TENM2: variants seen among roughly 807,000 people sequenced by gnomAD.
TENM2 encodes the protein teneurin-2.
Under a neutral mutation model 245.2 loss-of-function variants are expected in TENM2, and 52 were observed. That is an observed-to-expected ratio of 0.21 (90% CI 0.17 to 0.27). TENM2 has a LOEUF of 0.27. Ranked by LOEUF, TENM2 falls within the 10% of genes least tolerant of loss-of-function variation. The probability of loss-of-function intolerance (pLI) is 1.00; values close to 1 mark genes in which losing one functional copy is unlikely to be tolerated. For synonymous variants in TENM2, 1,363 were observed against 1,438.9 expected (o/e 0.95, Z 1.19); for missense variants, 3,046 against 3,666.8 (o/e 0.83, Z 4.37).
At chr5:167,559,514 A>AATGGTAATGC (rs1329216453) in intron 2 of TENM2, among the ~76,000 whole-genome samples, 1 of 152,186 alleles carries the variant, frequency 6.6e-6, no homozygotes, top group African/African-American at 2.4e-5. Flanking sequence ...CAGCTAAACA[A>AATGGTAATGC]ATGGTAATGC....
At chr5:167,508,801 T>C (rs1031776111) in intron 2 of TENM2, among the ~76,000 whole-genome samples, 7 of 152,142 alleles carry the variant, frequency 4.6e-5, no homozygotes, top group African/African-American at 1.7e-4. Context: ...GCTCAATTTT[T>C]CCCTAATATC....
intron 2 of TENM2, among the ~76,000 whole-genome samples, chr5:167,507,737 G>T (rs776046277): frequency 1.3e-5 from 2 of 152,158 alleles, no homozygotes; most frequent in African/African-American, 2.4e-5. Context: ...TTACCAGGTT[G>T]CTGTGTATGG....
intron 2 of TENM2, among the ~76,000 whole-genome samples, chr5:167,736,532 C>T (rs771611441): frequency 2.0e-5 from 3 of 152,030 alleles, no homozygotes; most frequent in Non-Finnish European, 1.5e-5. Flanking sequence ...CTATATTGCT[C>T]ACTTCTTTGG....
chr5:167,001,005 CA>C, the TENM2 span, among the ~76,000 whole-genome samples: 1 of 151,718 alleles, frequency 6.6e-6, no homozygotes, highest in Non-Finnish European at 1.5e-5. Flanking sequence ...GTCATTTAGC[CA>C]ATGCATTGGC....
chr5:167,616,222 G>A (rs948663712), intron 2 of TENM2, among the ~76,000 whole-genome samples: 8 of 152,098 alleles, frequency 5.3e-5, no homozygotes, highest in Non-Finnish European at 2.9e-5. Context: ...AAGTCCTATA[G>A]CCTGTGCTTG....
At chr5:167,005,571 TA>T in the TENM2 span, among the ~76,000 whole-genome samples, 1 of 151,508 alleles carries the variant, frequency 6.6e-6, no homozygotes. Context: ...TGCTAGTTTT[TA>T]AAAAAAGGAA....
At chr5:168,176,121 CA>C (rs1253711553) in intron 13 of TENM2, among the ~76,000 whole-genome samples, 2 of 152,170 alleles carry the variant, frequency 1.3e-5, no homozygotes, top group Non-Finnish European at 1.5e-5. Flanking sequence ...CAGATCATGC[CA>C]ACAACTTCTC....
At chr5:167,678,509 T>C (rs1295344251) in intron 2 of TENM2, among the ~76,000 whole-genome samples, 1 of 152,164 alleles carries the variant, frequency 6.6e-6, no homozygotes, top group Non-Finnish European at 1.5e-5. Context: ...CCGGAGTCTG[T>C]GTTTCTGTCA....
chr5:167,412,643 A>C (rs1762966704), intron 2 of TENM2, among the ~76,000 whole-genome samples: 1 of 152,160 alleles, frequency 6.6e-6, no homozygotes, highest in Non-Finnish European at 1.5e-5. Flanking sequence ...AGGAAAAACT[A>C]TGGCAGGGAA....
intron 23 of TENM2, among the ~76,000 whole-genome samples, chr5:168,220,250 C>A (rs992698138): frequency 3.3e-5 from 5 of 152,116 alleles, no homozygotes; most frequent in African/African-American, 9.7e-5. Context: ...CAGTTTCAAC[C>A]AAAGACCTAA....
At chr5:167,717,584 G>A (rs1759352929) in intron 2 of TENM2, among the ~76,000 whole-genome samples, 1 of 152,088 alleles carries the variant, frequency 6.6e-6, no homozygotes, top group African/African-American at 2.4e-5. Context: ...ATTAATTTCA[G>A]AATAAAAAAA....
At chr5:167,070,916 G>C in the TENM2 span, among the ~76,000 whole-genome samples, 22 of 152,070 alleles carry the variant, frequency 1.4e-4, no homozygotes, top group African/African-American at 5.3e-4. Context: ...GCCTAAAATG[G>C]ACAGTTGTCT....
At chr5:167,579,465 C>T (rs920868972) in intron 2 of TENM2, among the ~76,000 whole-genome samples, 11 of 152,196 alleles carry the variant, frequency 7.2e-5, no homozygotes, top group Non-Finnish European at 1.5e-4. Context: ...TAGGCACCAA[C>T]CACATTTTGA....
At chr5:167,703,333 A>G in intron 2 of TENM2, among the ~76,000 whole-genome samples, 1 of 151,986 alleles carries the variant, frequency 6.6e-6, no homozygotes, top group East Asian at 2.0e-4. Flanking sequence ...GGAGTTCAAG[A>G]CCAGCCTGGC....
the TENM2 span, among the ~76,000 whole-genome samples, chr5:167,028,148 C>G: frequency 6.7e-6 from 1 of 149,524 alleles, no homozygotes; most frequent in Non-Finnish European, 1.5e-5. Flanking sequence ...TGCCTTTTCT[C>G]TTTTAGAAGC....
intron 2 of TENM2, among the ~76,000 whole-genome samples, chr5:167,831,506 T>TTA: frequency 7.1e-6 from 1 of 141,380 alleles, no homozygotes. Context: ...TTTTTTTTTT[T>TTA]AAGAATACTG....
chr5:167,338,442 C>G (rs542155906), intron 1 of TENM2, among the ~76,000 whole-genome samples: 2 of 152,332 alleles, frequency 1.3e-5, no homozygotes, highest in South Asian at 4.1e-4. Flanking sequence ...GGAAACTTCA[C>G]CATCTGGGCC....
chr5:167,446,793 GCACA>G (rs34343283), intron 2 of TENM2, among the ~76,000 whole-genome samples: 1,955 of 143,990 alleles, frequency 0.014, 46 homozygotes, highest in African/African-American at 0.046. Flanking sequence ...TTTGAAACAC[GCACA>G]CACACACACA....
chr5:167,826,404 C>G (rs1318309351), intron 2 of TENM2, among the ~76,000 whole-genome samples: 1 of 152,058 alleles, frequency 6.6e-6, no homozygotes, highest in Non-Finnish European at 1.5e-5. Flanking sequence ...CCACCTGCAC[C>G]CAAAAAGCCA....
Sources: gnomAD v4.1 joint callset for allele counts (sites outside exome capture counted in the v4.1 genomes callset) on GRCh38, gnomAD v4.1.1 for gene constraint, MANE v1.5 for transcripts, NCBI Gene and HGNC (gene_info 2026-07-23, HGNC 2026-07-21) for gene names.